Variants in ZPLD1 observed in about 807,000 individuals in gnomAD.
The protein encoded by ZPLD1 is zona pellucida like domain containing 1.
ZPLD1 carries 34 observed loss-of-function variants against 47.2 expected under a neutral mutation model. That is an observed-to-expected ratio of 0.72 (90% CI 0.55 to 0.96). The LOEUF (loss-of-function observed/expected upper bound fraction) is 0.96, where lower values mean the gene tolerates loss of function less well. Among genes scored for constraint, ZPLD1 ranks in the 40% least tolerant of loss-of-function variants. The pLI is 0.00. For synonymous variants in ZPLD1, 176 were observed against 186.2 expected (o/e 0.95, Z 0.45); for missense variants, 512 against 505.8 (o/e 1.01, Z -0.12).
intron 4 of ZPLD1, among the ~76,000 whole-genome samples, chr3:102,455,991 T>C (rs1707407335): frequency 6.6e-6 from 1 of 152,232 alleles, no homozygotes; most frequent in Non-Finnish European, 1.5e-5. Flanking sequence ...AAAGTGTCTT[T>C]GGTAAATATG....
rs1707783551 is a variant in ZPLD1, at chr3:102,477,974, C to T, written c.*356C>T. 1 of 163,838 alleles carries T rather than the reference C, an allele frequency of 6.1e-6. No individual in the cohort carries two copies. Among genetic ancestry groups the T allele is most frequent in the Non-Finnish European group, 1.3e-5 (1 of 75,994 alleles). 10.1% of individuals were successfully genotyped at this position (163,838 alleles called of 1,614,324 possible). On this transcript the variant is annotated 3_prime_UTR_variant, in exon 12 of 12. Coordinates refer to ENST00000466937, the MANE Select transcript of ZPLD1 (RefSeq NM_001329788.2). ...AGTAGACAAAAAATGAAATGTGTTG[C>T]ATTTCCCCCTTAAGCATTAATGGCA...
chr3:102,436,702 G>A (rs1188499886), intron 1 of ZPLD1, among the ~76,000 whole-genome samples, 158 bp from the exon 2 acceptor site: 1 of 152,200 alleles, frequency 6.6e-6, no homozygotes, highest in Admixed American at 6.5e-5. Flanking sequence ...TAAATGAGCA[G>A]CTATAGGAAA....
At chr3:102,467,922 T>C (rs945876859) in intron 8 of ZPLD1, among the ~76,000 whole-genome samples, 3 of 151,590 alleles carry the variant, frequency 2.0e-5, no homozygotes, top group African/African-American at 7.3e-5. Context: ...TTGCAACTTA[T>C]ATAACAACCA....
intron 3 of ZPLD1, among the ~76,000 whole-genome samples, chr3:102,451,972 A>T (rs1707344070): frequency 6.6e-6 from 1 of 152,108 alleles, no homozygotes; most frequent in South Asian, 2.1e-4. Context: ...GGGGGGACAT[A>T]ATTCAACCTA....
intron 1 of ZPLD1, among the ~76,000 whole-genome samples, chr3:102,435,693 A>T (rs1559750466): frequency 7.4e-6 from 1 of 134,524 alleles, no homozygotes; most frequent in Non-Finnish European, 1.5e-5. Flanking sequence ...CCCAGGCTGG[A>T]GTGCAGTGGC....
chr3:102,439,063 C>T (rs548461523), intron 3 of ZPLD1, among the ~76,000 whole-genome samples: 1 of 152,170 alleles, frequency 6.6e-6, no homozygotes, highest in Non-Finnish European at 1.5e-5. Context: ...TCACAGAAAC[C>T]CATCAACGTT....
At chr3:102,387,844 G>A (rs979840112) in intron 6 of ZPLD1, among the ~76,000 whole-genome samples, 9 of 137,234 alleles carry the variant, frequency 6.6e-5, no homozygotes, top group Non-Finnish European at 1.1e-4. Flanking sequence ...TCAGTTCTGA[G>A]AAATTCTTTT....
intron 8 of ZPLD1, among the ~76,000 whole-genome samples, chr3:102,423,273 T>G (rs1706901408): frequency 6.6e-6 from 1 of 152,088 alleles, no homozygotes; most frequent in Non-Finnish European, 1.5e-5. Context: ...GGAGTCATGG[T>G]GAGGAAAAAG....
At chr3:102,408,513 A>T (rs929156073) in intron 7 of ZPLD1, among the ~76,000 whole-genome samples, 1 of 151,932 alleles carries the variant, frequency 6.6e-6, no homozygotes, top group Admixed American at 6.6e-5. Flanking sequence ...GCACTTAAAA[A>T]TGTCTAGCAC....
intron 7 of ZPLD1, among the ~76,000 whole-genome samples, chr3:102,416,136 G>C (rs768937048): frequency 2.4e-4 from 37 of 151,804 alleles, no homozygotes; most frequent in Admixed American, 2.6e-4. Flanking sequence ...TCCAATAACT[G>C]GTAAAATTTC....
Position 102,394,178 on chromosome 3 carries a change from C to T in ZPLD1, c.-157+1953C>T, listed in dbSNP as rs769248757. On this transcript the variant is annotated intron_variant, in intron 7 of 17. Transcript: ENST00000491959. The stretch of plus-strand genomic sequence containing the variant: ...AATGTGTGTCTGCAGAAATTACCTA[C>T]GGAAGTTAGAGGTAGAAAAGACCTG... Among the ~76,000 whole-genome samples the T allele has an allele frequency of 4.6e-5, 7 of 152,144 alleles. 1 individual carries two copies. The highest frequency in any genetic ancestry group is 1.9e-4 in the East Asian group (1 of 5,180).
intron 11 of ZPLD1, 146 bp downstream of exon 11, chr3:102,477,187 G>A: frequency 1.0e-6 from 1 of 1,000,482 alleles, no homozygotes; most frequent in Non-Finnish European, 1.5e-6. Context: ...AAACTCATAT[G>A]TGATCTATTG....
intron 7 of ZPLD1, among the ~76,000 whole-genome samples, chr3:102,412,403 G>T (rs77845311): frequency 0.012 from 1,893 of 151,778 alleles, 38 homozygotes; most frequent in African/African-American, 0.043. Flanking sequence ...GATTATATTT[G>T]ATTCTAGAAC....
chr3:102,422,791 A>ATG (rs1706896078), intron 8 of ZPLD1, among the ~76,000 whole-genome samples: 1 of 151,710 alleles, frequency 6.6e-6, no homozygotes, highest in Non-Finnish European at 1.5e-5. Context: ...GAATAGAAAC[A>ATG]TGTGATTGGG....
chr3:102,462,454 C>G (rs1376234361), intron 7 of ZPLD1, 76 bp downstream of exon 7: 1 of 956,434 alleles, frequency 1.0e-6, no homozygotes, highest in African/African-American at 1.7e-5. Flanking sequence ...AAAGTTGGGC[C>G]ATTCATTTTT....
Position 102,421,175 on chromosome 3 carries a change from C to T in ZPLD1, c.-9+2968C>T, listed in dbSNP as rs1390822134. ...TAGAATTTAAAGTATTATATTTGCT[C>T]ATATGTGCTTATCTGAGAAAAGCCA... On this transcript the variant is annotated intron_variant, in intron 8 of 17. Coordinates refer to the ZPLD1 transcript ENST00000491959. 2.0e-5 allele frequency among the ~76,000 whole-genome samples: 3 copies of T among 151,980 alleles called. No individual in the cohort carries two copies. In the East Asian group the frequency reaches 5.8e-4, roughly 29 times the overall value.
chr3:102,417,874 C>T (rs774990715), intron 7 of ZPLD1, among the ~76,000 whole-genome samples: 1 of 150,492 alleles, frequency 6.6e-6, no homozygotes, highest in African/African-American at 2.5e-5. Context: ...CAAGATCAAA[C>T]GCAGGTAGGG....
At chr3:102,405,418 A>G (rs1316914427) in intron 7 of ZPLD1, among the ~76,000 whole-genome samples, 2 of 151,998 alleles carry the variant, frequency 1.3e-5, no homozygotes, top group Non-Finnish European at 2.9e-5. Flanking sequence ...AGTTGCTTAA[A>G]TATTTCATTT....
At chr3:102,462,139 G>T in intron 6 of ZPLD1, 142 bp from the exon 7 acceptor site, 1 of 509,772 alleles carries the variant, frequency 2.0e-6, no homozygotes, top group South Asian at 3.3e-5. Context: ...AAACCAGAGG[G>T]TCACGTAAAT....
Sources: allele counts gnomAD v4.1 joint callset (sites outside exome capture counted in the v4.1 genomes callset), GRCh38; gene constraint gnomAD v4.1.1; transcripts MANE v1.5; gene names NCBI Gene and HGNC (gene_info 2026-07-23, HGNC 2026-07-21).